The following LINGO2 variants were observed in gnomAD, a reference collection of about 807,000 sequenced individuals.
LINGO2 encodes leucine-rich repeat and immunoglobulin-like domain-containing nogo receptor-interacting protein 2.
LINGO2 carries 14 observed loss-of-function variants against 30.6 expected under a neutral mutation model. That is an observed-to-expected ratio of 0.46 (90% CI 0.30 to 0.72). LINGO2 has a LOEUF of 0.72. Ranked by LOEUF, LINGO2 falls within the 30% of genes least tolerant of loss-of-function variation. The pLI is 0.07. For synonymous variants in LINGO2, 317 were observed against 288.5 expected, an observed-to-expected ratio of 1.10 and a Z score of -1.00; for missense variants, 729 against 751.7, an observed-to-expected ratio of 0.97 and a Z score of 0.35.
intron 5 of LINGO2, among the ~76,000 whole-genome samples, chr9:27,960,614 C>CTTTTTTTTTT (rs540319420): frequency 3.3e-5 from 4 of 122,314 alleles, no homozygotes; most frequent in African/African-American, 5.5e-5. Context: ...TGTGGTATAT[C>CTTTTTTTTTT]TTTTTTTTTT....
intron 4 of LINGO2, among the ~76,000 whole-genome samples, chr9:28,027,322 C>G (rs1183827438): frequency 1.3e-5 from 2 of 152,124 alleles, no homozygotes; most frequent in Non-Finnish European, 2.9e-5. Context: ...AGTGGTGGTT[C>G]AAGCATGCAT....
chr9:28,763,098 G>A, the LINGO2 span, among the ~76,000 whole-genome samples: 18 of 151,984 alleles, frequency 1.2e-4, no homozygotes, highest in Non-Finnish European at 2.1e-4. Flanking sequence ...AAGCCCCTCC[G>A]GGTATTTCAA....
intron 4 of LINGO2, among the ~76,000 whole-genome samples, chr9:28,024,546 C>T (rs1402240929): frequency 1.3e-5 from 2 of 152,146 alleles, no homozygotes; most frequent in African/African-American, 4.8e-5. Context: ...TTCAGATCTT[C>T]AGATTTTGCA....
At chr9:29,158,100 T>C in the LINGO2 span, among the ~76,000 whole-genome samples, 1 of 151,616 alleles carries the variant, frequency 6.6e-6, no homozygotes, top group Non-Finnish European at 1.5e-5. Flanking sequence ...CCCAGAACTT[T>C]GGGAGGCCAA....
chr9:28,436,174 T>C (rs1182010870), intron 2 of LINGO2, among the ~76,000 whole-genome samples: 1 of 152,174 alleles, frequency 6.6e-6, no homozygotes, highest in East Asian at 1.9e-4. Context: ...CAAGTATTTG[T>C]TATGTTTTGT....
intron 4 of LINGO2, among the ~76,000 whole-genome samples, chr9:28,234,359 G>T (rs76873760): frequency 4.1e-4 from 62 of 152,284 alleles, no homozygotes; most frequent in African/African-American, 1.5e-3. Context: ...ACTATGTAAA[G>T]GGGAAGGAAG....
At chr9:28,291,434 C>T (rs1029378755) in intron 4 of LINGO2, among the ~76,000 whole-genome samples, 1 of 152,078 alleles carries the variant, frequency 6.6e-6, no homozygotes, top group African/African-American at 2.4e-5. Flanking sequence ...AGATATTATG[C>T]CAGTTCTAGG....
At chr9:28,561,076 T>C (rs1483239381) in intron 1 of LINGO2, among the ~76,000 whole-genome samples, 1 of 151,980 alleles carries the variant, frequency 6.6e-6, no homozygotes, top group East Asian at 1.9e-4. Flanking sequence ...TCTGTTGAAA[T>C]TAAAGTGGCA....
At chr9:28,004,299 T>C (rs1267662797) in intron 5 of LINGO2, among the ~76,000 whole-genome samples, 7 of 152,100 alleles carry the variant, frequency 4.6e-5, no homozygotes, top group Non-Finnish European at 1.0e-4. Flanking sequence ...TTAAATTTAA[T>C]GTATATTTAA....
At chr9:29,164,344 G>C in the LINGO2 span, among the ~76,000 whole-genome samples, 1 of 152,144 alleles carries the variant, frequency 6.6e-6, no homozygotes, top group Admixed American at 6.5e-5. Flanking sequence ...TGATGCCGTA[G>C]TAGATAACAT....
chr9:27,982,770 T>C (rs1820942258), intron 5 of LINGO2, among the ~76,000 whole-genome samples: 1 of 151,850 alleles, frequency 6.6e-6, no homozygotes. Context: ...CTTTGTGATC[T>C]TGGATGACAA....
At chr9:28,088,699 A>T (rs1825985675) in intron 4 of LINGO2, among the ~76,000 whole-genome samples, 1 of 152,190 alleles carries the variant, frequency 6.6e-6, no homozygotes, top group South Asian at 2.1e-4. Flanking sequence ...ATAGGATCAA[A>T]TTCACACATA....
intron 4 of LINGO2, among the ~76,000 whole-genome samples, chr9:28,282,703 G>T (rs377540274): frequency 7.9e-5 from 12 of 152,054 alleles, no homozygotes; most frequent in Non-Finnish European, 1.6e-4. Flanking sequence ...TTCAGGAATC[G>T]GGTGGGAGAC....
At chr9:29,165,727 C>A in the LINGO2 span, among the ~76,000 whole-genome samples, 2 of 151,898 alleles carry the variant, frequency 1.3e-5, no homozygotes, top group Non-Finnish European at 2.9e-5. Flanking sequence ...AATTAAGTAA[C>A]TGTGATTTAC....
intron 4 of LINGO2, among the ~76,000 whole-genome samples, chr9:28,018,531 A>C (rs1822954778): frequency 6.6e-6 from 1 of 152,206 alleles, no homozygotes; most frequent in Non-Finnish European, 1.5e-5. Context: ...AAAGTAGACA[A>C]AGGACATGAA....
chr9:29,165,700 G>C, the LINGO2 span, among the ~76,000 whole-genome samples: 1 of 151,994 alleles, frequency 6.6e-6, no homozygotes, highest in South Asian at 2.1e-4. Context: ...ATTGCATTAA[G>C]TATTTACAAA....
At chr9:28,323,203 TCA>T (rs922565885) in intron 3 of LINGO2, among the ~76,000 whole-genome samples, 2 of 152,202 alleles carry the variant, frequency 1.3e-5, no homozygotes, top group Admixed American at 1.3e-4. Context: ...TTCAAAAAAT[TCA>T]CAGTTTAAAA....
intron 4 of LINGO2, among the ~76,000 whole-genome samples, chr9:28,232,044 C>T (rs1564062100): frequency 1.3e-5 from 2 of 152,052 alleles, no homozygotes; most frequent in Non-Finnish European, 2.9e-5. Context: ...ATTGATGACT[C>T]TCTAAAACTA....
chr9:28,714,016 G>A, the LINGO2 span, among the ~76,000 whole-genome samples: 70 of 151,756 alleles, frequency 4.6e-4, no homozygotes, highest in East Asian at 9.4e-3. Flanking sequence ...AAATTTAGCC[G>A]GGCCTGGTGA....
Sources: allele counts gnomAD v4.1 joint callset (sites outside exome capture counted in the v4.1 genomes callset), GRCh38; gene constraint gnomAD v4.1.1; transcripts MANE v1.5; gene names NCBI Gene and HGNC (gene_info 2026-07-23, HGNC 2026-07-21).